Variants in ATP6V1A observed in about 807,000 individuals in gnomAD.
ATP6V1A encodes the protein ATPase H+ transporting V1 subunit A.
Under a neutral mutation model 70.1 loss-of-function variants are expected in ATP6V1A, and 18 were observed. The observed-to-expected ratio is 0.26, with a 90% CI of 0.18 to 0.38. The LOEUF (loss-of-function observed/expected upper bound fraction) is 0.38. ATP6V1A is among the 10% of genes least tolerant of loss of function. ATP6V1A has a pLI of 1.00. For synonymous variants in ATP6V1A, 232 were observed against 253.8 expected, an observed-to-expected ratio of 0.91 and a Z score of 0.82; for missense variants, 424 against 772.4, an observed-to-expected ratio of 0.55 and a Z score of 5.35.
chr3:113,778,583 T>C (rs1708942794), intron 1 of ATP6V1A, among the ~76,000 whole-genome samples, 158 bp from the exon 2 acceptor site: 1 of 152,154 alleles, frequency 6.6e-6, no homozygotes, highest in Non-Finnish European at 1.5e-5. Context: ...TTTTTTTAAA[T>C]TAAGAAAAGG....
In ATP6V1A at chr3:113,776,670, C is replaced by A. The variant is rs142554879; in HGVS notation, c.-13-2071C>A. ...TAAAGTAGTTGAACACCATTCTTCT[C>A]ATAATAGTTCTCCCTCAATCTTCAG... On this transcript the variant is annotated intron_variant, in intron 1 of 14. Coordinates refer to ENST00000273398, the MANE Select transcript of ATP6V1A (RefSeq NM_001690.4). Among the ~76,000 whole-genome samples, 789 of 152,318 alleles carry A rather than the reference C, an allele frequency of 5.2e-3. 1 individual carries two copies. Among genetic ancestry groups the A allele is most frequent in the African/African-American group, 0.015 (618 of 41,560 alleles).
chr3:113,790,251 C>T (rs546490385), intron 8 of ATP6V1A, among the ~76,000 whole-genome samples: 2 of 143,032 alleles, frequency 1.4e-5, no homozygotes, highest in Admixed American at 7.5e-5. Context: ...TGCAGCGAGC[C>T]GAGATCGCGC....
In ATP6V1A at chr3:113,781,924, T is replaced by C. The variant is rs73855286; in HGVS notation, c.211+746T>C. 5.7e-3 allele frequency among the ~76,000 whole-genome samples: 865 copies of C among 152,316 alleles called. 10 individuals are homozygous for C. The highest frequency in any genetic ancestry group is 0.019 in the African/African-American group (806 of 41,568). ...ATAGCACTGAGTGACATATTACATT[T>C]CAGTTTTATTACTAGGAAAGCTTTA... On this transcript the variant is annotated intron_variant, in intron 3 of 14. Coordinates refer to ENST00000273398, the MANE Select transcript of ATP6V1A (RefSeq NM_001690.4).
In ATP6V1A at chr3:113,784,259, G is replaced by A. The variant is rs778615930; in HGVS notation, c.247G>A (p.Gly83Ser). 122 of 1,614,028 alleles carry A rather than the reference G, an allele frequency of 7.6e-5. No individual in the cohort carries two copies. The highest frequency in any genetic ancestry group is 1.0e-4 in the Non-Finnish European group (118 of 1,180,012). The change falls in exon 4 of 15, where the codon GGT becomes AGT. Residue 83 changes from glycine (G) to serine (S), a missense_variant. This residue lies in a region of ATP6V1A where 139 missense variants were observed against 163.5 expected (regional missense o/e 0.85). Transcript: ENST00000273398. ...TGTTGGAGATCCTGTACTTCGCACT[G>A]GTAAACCCCTCTCTGTAGAGCTTGG... ...VSVGDPVLRT[G>S]KPLSVELGPG...
chr3:113,748,726 A>C (rs946852106), intron 1 of ATP6V1A, among the ~76,000 whole-genome samples: 1 of 152,214 alleles, frequency 6.6e-6, no homozygotes, highest in Non-Finnish European at 1.5e-5. Context: ...AACCTCGGAG[A>C]TGTTGCTTTC....
At chr3:113,764,188 G>A (rs1169552832) in intron 1 of ATP6V1A, among the ~76,000 whole-genome samples, 1 of 151,732 alleles carries the variant, frequency 6.6e-6, no homozygotes, top group Non-Finnish European at 1.5e-5. Context: ...AGCCTTGATC[G>A]CACCACTGTA....
chr3:113,764,202 C>T (rs551711408), intron 1 of ATP6V1A, among the ~76,000 whole-genome samples: 1 of 151,844 alleles, frequency 6.6e-6, no homozygotes, highest in Admixed American at 6.6e-5. Context: ...CACTGTACTC[C>T]AGCCTGGGTG....
At chr3:113,750,056 A>G (rs931336911) in intron 1 of ATP6V1A, among the ~76,000 whole-genome samples, 1 of 152,216 alleles carries the variant, frequency 6.6e-6, no homozygotes, top group East Asian at 1.9e-4. Flanking sequence ...TAAGTGGACT[A>G]GCACTAGACT....
At chr3:113,768,907 A>T (rs1466177035) in intron 1 of ATP6V1A, among the ~76,000 whole-genome samples, 1 of 152,138 alleles carries the variant, frequency 6.6e-6, no homozygotes, top group African/African-American at 2.4e-5. Context: ...CTTTTAAAAG[A>T]ACAAAGAAAT....
Position 113,775,944 on chromosome 3 carries a change from C to T in ATP6V1A, c.-13-2797C>T, listed in dbSNP as rs576493645. 1.9e-4 allele frequency among the ~76,000 whole-genome samples: 29 copies of T among 152,280 alleles called. No individual in the cohort carries two copies. In the East Asian group the frequency reaches 5.0e-3, roughly 26 times the overall value. ...TGTCTTTAAATCTTCTTTCTGTTTTCCCCCGTATTATCTCATAGTTTCTAG... is the reference window on the plus strand; with the variant it reads ...TGTCTTTAAATCTTCTTTCTGTTTTTCCCCGTATTATCTCATAGTTTCTAG... On this transcript the variant is annotated intron_variant, in intron 1 of 14. Transcript: ENST00000273398.
At chr3:113,786,476 A>G in intron 6 of ATP6V1A, 93 bp downstream of exon 6, 1 of 1,312,496 alleles carries the variant, frequency 7.6e-7, no homozygotes. Context: ...TTATGTGTTT[A>G]ACACTATAAT....
intron 1 of ATP6V1A, among the ~76,000 whole-genome samples, chr3:113,758,394 G>T (rs1243992091): frequency 6.6e-6 from 1 of 152,128 alleles, no homozygotes; most frequent in African/African-American, 2.4e-5. Context: ...ACACCCAAGA[G>T]AAGTTTCTTT....
At chr3:113,786,108 T>G in intron 5 of ATP6V1A, 124 bp from the exon 6 acceptor site, 1 of 645,264 alleles carries the variant, frequency 1.5e-6, no homozygotes, top group Non-Finnish European at 2.3e-6. Context: ...ATAAAAAGTA[T>G]AAATCTCCCT....
chr3:113,757,818 C>T (rs930145371), intron 1 of ATP6V1A, among the ~76,000 whole-genome samples: 15 of 152,188 alleles, frequency 9.9e-5, no homozygotes, highest in African/African-American at 3.4e-4. Flanking sequence ...ATTCTCTTAA[C>T]AAATTTGCAT....
At chr3:113,761,419 T>C (rs1708703781) in intron 1 of ATP6V1A, among the ~76,000 whole-genome samples, 2 of 151,698 alleles carry the variant, frequency 1.3e-5, no homozygotes, top group Non-Finnish European at 2.9e-5. Flanking sequence ...GTAACGAGAG[T>C]AATATGGTAA....
chr3:113,785,243 C>T (rs1709024423), intron 5 of ATP6V1A, among the ~76,000 whole-genome samples: 2 of 151,996 alleles, frequency 1.3e-5, no homozygotes, highest in Admixed American at 6.6e-5. Flanking sequence ...AGATCGAGAC[C>T]AGCCTGACCA....
intron 14 of ATP6V1A, among the ~76,000 whole-genome samples, chr3:113,807,520 A>G (rs1408244695): frequency 1.3e-5 from 2 of 152,210 alleles, no homozygotes; most frequent in Non-Finnish European, 2.9e-5. Context: ...CAGAGCCAAC[A>G]GTACATTATG....
At chr3:113,754,880 C>A (rs973593064) in intron 1 of ATP6V1A, among the ~76,000 whole-genome samples, 1 of 152,136 alleles carries the variant, frequency 6.6e-6, no homozygotes, top group South Asian at 2.1e-4. Context: ...AAAGTATCTC[C>A]GTAGAATACA....
intron 3 of ATP6V1A, among the ~76,000 whole-genome samples, chr3:113,782,569 TATACGTATATATATACAC>T (rs1292141132): frequency 6.8e-6 from 1 of 147,134 alleles, no homozygotes; most frequent in Non-Finnish European, 1.5e-5. Context: ...TGTGTATATA[TATACGTATATATATACAC>T]ATATATATAT....
Sources: gnomAD v4.1 joint callset for allele counts (sites outside exome capture counted in the v4.1 genomes callset) on GRCh38, gnomAD v4.1.1 for gene constraint, gnomAD v4.1.1 regional missense constraint, MANE v1.5 for transcripts, NCBI Gene and HGNC (gene_info 2026-07-23, HGNC 2026-07-21) for gene names.